Variants in MEA1 observed in about 807,000 individuals in gnomAD.
The protein encoded by MEA1 is male-enhanced antigen 1, also known as Male-enhanced antigen (H-Y structural gene).
Under a neutral mutation model 21.4 loss-of-function variants are expected in MEA1, and 22 were observed. The observed-to-expected ratio is 1.03, with a 90% confidence interval of 0.73 to 1.47. The LOEUF is 1.47. Among genes scored for constraint, MEA1 ranks in the 40% most tolerant of loss-of-function variants. The pLI, the probability that MEA1 is intolerant of heterozygous loss-of-function variation, is 0.00. For synonymous variants in MEA1, 91 were observed against 85.5 expected, an observed-to-expected ratio of 1.06 and a Z score of -0.35; for missense variants, 233 against 230.5, an observed-to-expected ratio of 1.01 and a Z score of -0.07.
Position 43,012,978 on chromosome 6 carries a change from A to G in MEA1, c.354T>C (p.Asp118=), listed in dbSNP as rs370413250. The G allele has an allele frequency of 2.5e-6, 4 of 1,613,892 alleles. No homozygotes were observed. The highest frequency in any genetic ancestry group is 1.3e-5 in the African/African-American group (1 of 74,848). ...PDPPLESEDE[D]EEGATALNNH... ...TGTTCAACGCTGTAGCTCCCTCCTCATCTTCATCTTCACTCTCTAATGGTG... is the reference window on the plus strand; with the variant it reads ...TGTTCAACGCTGTAGCTCCCTCCTCGTCTTCATCTTCACTCTCTAATGGTG... Residue 118 remains aspartate (D), a synonymous_variant, in exon 3 of 4, where the codon GAT becomes GAC. Coordinates refer to ENST00000244711, the MANE Select transcript of MEA1 (RefSeq NM_014623.4).
intron 1 of MEA1, 21 bp from the exon 2 acceptor site, chr6:43,013,410 T>C: frequency 6.8e-6 from 11 of 1,608,428 alleles, no homozygotes; most frequent in Non-Finnish European, 8.5e-6. Context: ...AGGGAGGCGG[T>C]AGGACAGGGA....
In MEA1 at chr6:43,013,933, C is replaced by G. The variant is rs1051633072; in HGVS notation, c.-120G>C. The G allele has an allele frequency of 3.9e-5, 58 of 1,468,768 alleles. 1 individual carries two copies. The Admixed American group carries it at 1.5e-3, about 39-fold the overall frequency. The allele number at this position is 1,468,768 out of a possible 1,614,324, so 91.0% of individuals were successfully genotyped here. A position where few individuals can be genotyped will look rare whatever the true frequency, so the allele number is the denominator to read the frequency against. ...CCCGCGGCCTCCACTTCCGGCGGGG[C>G]AGGACGTGCAGAGGTGCCTAGTCCT... On this transcript the variant is annotated 5_prime_UTR_variant, in exon 1 of 4. Coordinates refer to ENST00000244711, the MANE Select transcript of MEA1 (RefSeq NM_014623.4).
Position 43,012,398 on chromosome 6 carries a change from A to C in MEA1, c.*72T>G, listed in dbSNP as rs760384840. The C allele has an allele frequency of 6.7e-7, 1 of 1,495,524 alleles. No homozygotes were observed. Among genetic ancestry groups the C allele is most frequent in the Non-Finnish European group, 8.9e-7 (1 of 1,120,968 alleles). 92.6% of individuals were successfully genotyped at this position (1,495,524 alleles called of 1,614,324 possible). A position where few individuals can be genotyped will look rare whatever the true frequency, so the allele number is the denominator to read the frequency against. ...CGGGGAAGATGGAAATGGACATTAC[A>C]ACCAGGGATGTGTTCAGTCCTGTGC... On this transcript the variant is annotated 3_prime_UTR_variant, in exon 4 of 4. Coordinates refer to ENST00000244711, the MANE Select transcript of MEA1 (RefSeq NM_014623.4).
At chr6:43,014,719 G>A, upstream of MEA1, 1 of 414,468 alleles carries the variant, frequency 2.4e-6, no homozygotes, top group Non-Finnish European at 5.0e-6. Context: ...CGTGGTCAGT[G>A]CATGCTAATT....
upstream of MEA1, among the ~76,000 whole-genome samples, chr6:43,015,428 CA>C (rs1388437910): frequency 6.6e-6 from 1 of 152,168 alleles, no homozygotes; most frequent in Non-Finnish European, 1.5e-5. Context: ...AAACAGGGAG[CA>C]GATGATGATA....
chr6:43,014,027 T>A, upstream of MEA1: 1 of 1,420,034 alleles, frequency 7.0e-7, no homozygotes, highest in Non-Finnish European at 9.2e-7. Context: ...CCCGCCTCCG[T>A]CATTCCCAGC....
At chr6:43,014,003 A>C (rs1581872146), upstream of MEA1, 1 of 1,420,052 alleles carries the variant, frequency 7.0e-7, no homozygotes, top group Non-Finnish European at 9.2e-7. Context: ...GAGGACGAGG[A>C]GTCCGCCCCT....
At chr6:43,016,360 T>C (rs1762573495), upstream of MEA1, 1 of 152,236 alleles carries the variant, frequency 6.6e-6, no homozygotes, top group African/African-American at 2.4e-5. Flanking sequence ...GATGGGGAAG[T>C]GGCAGGAGGA....
At position 43,013,028 on chromosome 6, in the gene MEA1, C is replaced by A. The variant is rs774014127; in HGVS notation, c.304G>T (p.Ala102Ser). The change falls in exon 3 of 4, where the codon GCC becomes TCC. Residue 102 changes from alanine to serine, a missense_variant and splice_region_variant. Coordinates refer to ENST00000244711, the MANE Select transcript of MEA1 (RefSeq NM_014623.4). The stretch of plus-strand genomic sequence containing the variant: ...GGGTCTGGCAAATGAAGCCCCAGGG[C>A]CTGCAGAGCCACAGAAGACCGTTTG... ...VVADIQDRIQ[A>S]LGLHLPDPPL... is the part of the protein sequence containing the mutation. The A allele has an allele frequency of 6.2e-7, 1 of 1,614,216 alleles. No individual in the cohort carries two copies. Among genetic ancestry groups the A allele is most frequent in the Non-Finnish European group, 8.5e-7 (1 of 1,180,020 alleles).
chr6:43,013,475 C>T lies in MEA1; in HGVS notation c.29-86G>A, dbSNP rs1018433512. ...CTCATCATCTCCTTGTAGTCTCCTG[C>T]GTGCAAAAAACCAGCTCCTCCCCGA... On this transcript the variant is annotated intron_variant, in intron 1 of 3. Coordinates refer to ENST00000244711, the MANE Select transcript of MEA1 (RefSeq NM_014623.4). 14 of 1,470,094 alleles carry T rather than the reference C, an allele frequency of 9.5e-6. No homozygotes were observed. The African/African-American group carries it at 1.6e-4, about 16-fold the overall frequency. The allele number at this position is 1,470,094 out of a possible 1,614,324, so 91.1% of individuals were successfully genotyped here.
At chr6:43,015,042 G>A (rs1304795724), upstream of MEA1, among the ~76,000 whole-genome samples, 1 of 152,108 alleles carries the variant, frequency 6.6e-6, no homozygotes, top group Non-Finnish European at 1.5e-5. Context: ...TCCACCTTTG[G>A]CTGGAATTGC....
Position 43,013,849 on chromosome 6 carries a change from CCA to C in MEA1, c.-38_-37del. Reference sequence around the variant, plus strand: ...CAAATGGCCCCAGCTGCAGCGTCCCCCACCCGCCCCCATCCGAATCCCGGCGC... The same window carrying C: ...CAAATGGCCCCAGCTGCAGCGTCCCCCCCGCCCCCATCCGAATCCCGGCGC... On this transcript the variant is annotated 5_prime_UTR_variant, in exon 1 of 4. Coordinates refer to ENST00000244711, the MANE Select transcript of MEA1 (RefSeq NM_014623.4). 1 of 1,545,634 alleles carries C rather than the reference CCA, an allele frequency of 6.5e-7. No individual in the cohort carries two copies. Among genetic ancestry groups the C allele is most frequent in the Middle Eastern group, 2.1e-4 (1 of 4,820 alleles).
In MEA1 at chr6:43,011,705, T is replaced by C. The variant is rs1762358631; in HGVS notation, c.*765A>G. 1 of 186,444 alleles carries C rather than the reference T, an allele frequency of 5.4e-6. No individual in the cohort carries two copies. The highest frequency in any genetic ancestry group is 1.1e-5 in the Non-Finnish European group (1 of 88,656). The allele number at this position is 186,444 out of a possible 1,614,324, so 11.5% of individuals were successfully genotyped here. Reference sequence around the variant, plus strand: ...GAGGCATGTAGGGAACAGCAGGAGATTATTCTCACCAAAGTTATGTCAAGC... The same window carrying C: ...GAGGCATGTAGGGAACAGCAGGAGACTATTCTCACCAAAGTTATGTCAAGC... On this transcript the variant is annotated 3_prime_UTR_variant, in exon 4 of 4. Transcript: ENST00000244711.
chr6:43,013,446 T>A (rs766594096), intron 1 of MEA1, 57 bp from the exon 2 acceptor site: 110 of 1,572,720 alleles, frequency 7.0e-5, no homozygotes, highest in Non-Finnish European at 9.4e-5. Context: ...CCCATCTTCA[T>A]CCTCTCATCA....
Position 43,012,109 on chromosome 6 carries a change from T to C in MEA1, c.*361A>G, listed in dbSNP as rs2150285069. On this transcript the variant is annotated 3_prime_UTR_variant, in exon 4 of 4. Transcript: ENST00000244711. ...CAAGCATGGCTCCTGCCAACACCTA[T>C]TTATTTCCTTGTTTGTGCTATGCTG... The C allele has an allele frequency of 1.3e-6, 1 of 743,340 alleles. No homozygotes were observed. Among genetic ancestry groups the C allele is most frequent in the Non-Finnish European group, 1.7e-6 (1 of 603,590 alleles). The allele number at this position is 743,340 out of a possible 1,614,324, so 46.0% of individuals were successfully genotyped here.
chr6:43,014,266 C>G (rs1762500062), upstream of MEA1: 3 of 903,708 alleles, frequency 3.3e-6, no homozygotes, highest in South Asian at 5.4e-5. Flanking sequence ...TCGTTGGGGA[C>G]TAAGGCGTCG....
At chr6:43,014,687 A>C (rs1401879935), upstream of MEA1, 2 of 451,436 alleles carry the variant, frequency 4.4e-6, no homozygotes, top group African/African-American at 4.0e-5. Context: ...ACAGGGATAG[A>C]GTCATATGCA....
Position 43,012,239 on chromosome 6 carries a change from A to G in MEA1, c.*231T>C. ...CAGGCAGTGCGGCTTTTGGCTGTGT[A>G]CATAGGGTGCTTTATTCTCCACAGA... On this transcript the variant is annotated 3_prime_UTR_variant, in exon 4 of 4. Transcript: ENST00000244711. The G allele has an allele frequency of 8.0e-7, 1 of 1,242,614 alleles. No individual in the cohort carries two copies. Among genetic ancestry groups the G allele is most frequent in the Non-Finnish European group, 1.0e-6 (1 of 990,108 alleles). 77.0% of individuals were successfully genotyped at this position (1,242,614 alleles called of 1,614,324 possible).
chr6:43,014,088 T>C (rs895092056), upstream of MEA1: 11 of 1,416,896 alleles, frequency 7.8e-6, no homozygotes, highest in African/African-American at 4.3e-5. Flanking sequence ...TCTCGACACA[T>C]ATTTGCACAT....
Sources: allele counts gnomAD v4.1 joint callset (sites outside exome capture counted in the v4.1 genomes callset), GRCh38; gene constraint gnomAD v4.1.1; transcripts MANE v1.5; gene names NCBI Gene and HGNC (gene_info 2026-07-23, HGNC 2026-07-21).